Variants in SYNE2 observed in about 807,000 individuals in gnomAD.
SYNE2 encodes the protein spectrin repeat containing nuclear envelope protein 2.
SYNE2 carries 431 observed loss-of-function variants against 856.3 expected under a neutral mutation model. The ratio of observed to expected loss-of-function variants is 0.50; its 90% CI spans 0.47 to 0.55. The LOEUF is 0.55. Ranked by LOEUF, SYNE2 falls within the 20% of genes least tolerant of loss-of-function variation. The pLI is 0.00. For synonymous variants in SYNE2, 2,923 were observed against 2,872.3 expected (o/e 1.02, Z -0.56); for missense variants, 8,129 against 8,023.2 (o/e 1.01, Z -0.50).
chr14:64,021,020 C>G (rs1310399992), intron 35 of SYNE2, among the ~76,000 whole-genome samples: 2 of 152,058 alleles, frequency 1.3e-5, no homozygotes, highest in African/African-American at 4.8e-5. Flanking sequence ...ATGTCATGAG[C>G]ACCATGAGAC....
chr14:64,203,917 A>G (rs1045163019), intron 100 of SYNE2, among the ~76,000 whole-genome samples: 2 of 152,106 alleles, frequency 1.3e-5, no homozygotes, highest in Admixed American at 1.3e-4. Flanking sequence ...GAGTCTCACT[A>G]TATTGCCCCG....
rs750767473 is a variant in SYNE2 at position 64,216,240 on chromosome 14, C to T, written c.19403-8C>T. ...GAATAGACTGTCGCTTGCTGTCTTT[C>T]GTTTCAGGTAAATCCATTTCGGATG... On this transcript the variant is annotated splice_polypyrimidine_tract_variant and splice_region_variant and intron_variant, in intron 107 of 115. Coordinates refer to ENST00000555002, the MANE Select transcript of SYNE2 (RefSeq NM_182914.3). 1.5e-5 allele frequency: 25 copies of T among 1,614,140 alleles called. No individual in the cohort carries two copies. The highest frequency in any genetic ancestry group is 1.7e-5 in the Non-Finnish European group (20 of 1,180,040).
In SYNE2 at chr14:64,128,524, A is replaced by C; in HGVS notation, c.13990A>C (p.Ser4664Arg). The C allele has an allele frequency of 6.2e-7, 1 of 1,609,676 alleles. No homozygotes were observed. Among genetic ancestry groups the C allele is most frequent in the Non-Finnish European group, 8.5e-7 (1 of 1,175,892 alleles). The part of the protein sequence containing the change: ...TSLQQSLNEI[S>R]GQSVAEQLQK... ...TTTACAACAGTCTTTGAATGAAATC[A>C]GTGGGCAGAGTGTTGCTGAACAGCT... The change falls in exon 74 of 116, where the codon AGT (serine) becomes CGT (arginine). Residue 4664 changes from serine to arginine, a missense_variant. Physicochemically the swap from Ser to Arg is moderately radical, Grantham distance 110. This residue lies in a region of SYNE2 where 5,410 missense variants were observed against 5,284.8 expected (regional missense o/e 1.02). Coordinates refer to ENST00000555002, the MANE Select transcript of SYNE2 (RefSeq NM_182914.3).
intron 1 of SYNE2, among the ~76,000 whole-genome samples, chr14:63,794,724 C>T (rs898594134): frequency 6.6e-5 from 10 of 152,118 alleles, no homozygotes; most frequent in African/African-American, 2.4e-4. Flanking sequence ...ACTACACACT[C>T]ACTGAAATGT....
In SYNE2 at chr14:64,070,804, C is replaced by T. The variant is rs1428290017; in HGVS notation, c.10591C>T (p.Leu3531Phe). ...GAAGCAACAGCTGTTACTGACTCTA[C>T]TTCTTCAGCGCATCAGAAGTATCCA... ...VEKQQLLLTL[L>F]LQRIRSIQNV... The change falls in exon 52 of 116, where the codon CTT (leucine) becomes TTT (phenylalanine). Residue 3531 changes from leucine (L) to phenylalanine (F), a missense_variant. Leu to Phe is a conservative substitution (Grantham distance 22, BLOSUM62 0). Coordinates refer to ENST00000555002, the MANE Select transcript of SYNE2 (RefSeq NM_182914.3). The T allele has an allele frequency of 6.2e-7, 1 of 1,614,078 alleles. No individual in the cohort carries two copies. The highest frequency in any genetic ancestry group is 1.3e-5 in the African/African-American group (1 of 74,942).
At chr14:64,204,529 G>T (rs1433023667) in intron 100 of SYNE2, 1 of 152,158 alleles carries the variant, frequency 6.6e-6, no homozygotes, top group East Asian at 1.9e-4. Flanking sequence ...AAATTGCAGA[G>T]AATTTGTTCC....
At chr14:64,126,831 A>G (rs757101943) in intron 73 of SYNE2, 24 bp downstream of exon 73, 10 of 1,605,308 alleles carry the variant, frequency 6.2e-6, no homozygotes, top group Admixed American at 3.3e-5. Context: ...CACACAGCCT[A>G]TTTTGGCACT....
intron 2 of SYNE2, among the ~76,000 whole-genome samples, chr14:63,917,903 A>G (rs1285481219): frequency 6.6e-6 from 1 of 151,936 alleles, no homozygotes; most frequent in Non-Finnish European, 1.5e-5. Flanking sequence ...GCTTCTGGGA[A>G]CTTTGGTTCT....
intron 2 of SYNE2, among the ~76,000 whole-genome samples, chr14:63,913,526 G>A (rs1271584514): frequency 6.7e-6 from 1 of 148,466 alleles, no homozygotes; most frequent in African/African-American, 2.5e-5. Context: ...GCAGTGGTGT[G>A]ACCTCGGTTC....
chr14:63,784,220 C>T (rs1328450393), intron 1 of SYNE2, among the ~76,000 whole-genome samples: 5 of 151,720 alleles, frequency 3.3e-5, no homozygotes, highest in Non-Finnish European at 5.9e-5. Context: ...GGGCCAGGTG[C>T]GGTGGCTCAT....
At position 63,967,730 on chromosome 14, in the gene SYNE2, T is replaced by G; in HGVS notation, c.1012T>G (p.Ser338Ala). ...GCAGAGCCTGCTGTCCTTTATGGAG[T>G]CATTCAATGAAGAAAAAAAGTCCTT... is the stretch of plus-strand genomic sequence containing the variant. ...KYNSLLSFME[S>A]FNEEKKSFLD... Residue 338 changes from serine (S) to alanine (A), a missense_variant, in exon 11 of 116, where the codon TCA (serine) becomes GCA (alanine). Physicochemically the swap from Ser to Ala is moderately conservative, Grantham distance 99. Around this residue, in one of 3 missense-constraint regions of SYNE2, gnomAD observed 2,422 missense variants for 2,357.4 expected, o/e 1.03. Coordinates refer to ENST00000555002, the MANE Select transcript of SYNE2 (RefSeq NM_182914.3). 1 of 1,614,096 alleles carries G rather than the reference T, an allele frequency of 6.2e-7. No individual in the cohort carries two copies. The highest frequency in any genetic ancestry group is 8.5e-7 in the Non-Finnish European group (1 of 1,179,972).
intron 2 of SYNE2, among the ~76,000 whole-genome samples, chr14:63,929,103 T>C (rs938587247): frequency 2.0e-5 from 3 of 152,156 alleles, no homozygotes; most frequent in Non-Finnish European, 4.4e-5. Context: ...TAGGACCATC[T>C]TTTGTTCTAA....
At chr14:64,066,359 A>G (rs1478051912) in intron 51 of SYNE2, among the ~76,000 whole-genome samples, 3 of 152,078 alleles carry the variant, frequency 2.0e-5, no homozygotes, top group Non-Finnish European at 2.9e-5. Flanking sequence ...AAATCTGGGC[A>G]TGGTGGCACA....
At position 63,979,018 on chromosome 14, in the gene SYNE2, A is replaced by G; in HGVS notation, c.1569+4A>G. On this transcript the variant is annotated splice_donor_region_variant and intron_variant, in intron 14 of 115. Transcript: ENST00000555002. ...ATTATTGCTGGAAGACTGGCATGTA[A>G]GCTTTTCAATTTTGTGTCTTAGGCA... 1 of 1,613,464 alleles carries G rather than the reference A, an allele frequency of 6.2e-7. No homozygotes were observed. Among genetic ancestry groups the G allele is most frequent in the East Asian group, 2.2e-5 (1 of 44,798 alleles).
chr14:64,122,641 T>TATA lies in SYNE2; in HGVS notation c.13422+216_13422+218dup. 4.7e-6 allele frequency: 3 copies of TATA among 640,444 alleles called. No homozygotes were observed. In the South Asian group the frequency reaches 5.7e-5, roughly 12 times the overall value. The allele number at this position is 640,444 out of a possible 1,614,324, so 39.7% of individuals were successfully genotyped here. On this transcript the variant is annotated intron_variant, in intron 70 of 115. Transcript: ENST00000555002. ...GGCTTCCCTCATCAGAGCTGTTATT[T>TATA]ATAACAACTATCCGCCTGTTTGTTT...
chr14:64,167,655 C>T lies in SYNE2; in HGVS notation c.16905+16C>T. 1.9e-6 allele frequency: 3 copies of T among 1,614,128 alleles called. No homozygotes were observed. The South Asian group carries it at 3.3e-5, about 18-fold the overall frequency. On this transcript the variant is annotated intron_variant, in intron 92 of 115. Transcript: ENST00000555002. ...AACCTATAAGGTAAACCTGTGTTCTCTGCCACCCTTGAACCGCTCATCTGG... is the reference window on the plus strand; with the variant it reads ...AACCTATAAGGTAAACCTGTGTTCTTTGCCACCCTTGAACCGCTCATCTGG...
chr14:63,829,440 CA>C (rs555113755), intron 1 of SYNE2, among the ~76,000 whole-genome samples: 2 of 151,398 alleles, frequency 1.3e-5, no homozygotes, highest in Non-Finnish European at 3.0e-5. Context: ...CAAAAAAAAA[CA>C]AAAAAAGTCT....
chr14:64,087,989 C>G (rs1458511225), intron 58 of SYNE2, 133 bp downstream of exon 58: 2 of 920,978 alleles, frequency 2.2e-6, no homozygotes, highest in Non-Finnish European at 1.7e-6. Context: ...TCAAGACAAG[C>G]CTGGCCAACA....
At chr14:64,148,093 C>T (rs933251197) in intron 84 of SYNE2, among the ~76,000 whole-genome samples, 2 of 152,098 alleles carry the variant, frequency 1.3e-5, no homozygotes, top group African/African-American at 2.4e-5. Context: ...GGGAGAATTG[C>T]TTGAGTCCAG....
Sources: allele counts gnomAD v4.1 joint callset (sites outside exome capture counted in the v4.1 genomes callset), GRCh38; gene constraint gnomAD v4.1.1; regional missense constraint gnomAD v4.1.1; transcripts MANE v1.5; gene names NCBI Gene and HGNC (gene_info 2026-07-23, HGNC 2026-07-21).